The following SLCO3A1 variants were observed in gnomAD, a reference collection of about 807,000 sequenced individuals.
The protein encoded by SLCO3A1 is solute carrier organic anion transporter family member 3A1, also known as PGE1 transporter.
A neutral mutation model predicts 63.1 loss-of-function variants in SLCO3A1; 27 were observed. The ratio of observed to expected loss-of-function variants is 0.43; its 90% CI spans 0.32 to 0.59. SLCO3A1 has a LOEUF of 0.59. SLCO3A1 is among the 20% of genes least tolerant of loss of function. The pLI is 0.09. For missense variants in SLCO3A1, 773 were observed against 945.8 expected (o/e 0.82, Z 2.40); for synonymous variants, 473 against 409.9 (o/e 1.15, Z -1.86).
chr15:91,862,701 G>A lies in SLCO3A1; in HGVS notation c.180+8613G>A, dbSNP rs1597066372. Among the ~76,000 whole-genome samples, 2 of 152,106 alleles carry A rather than the reference G, an allele frequency of 1.3e-5. No individual in the cohort carries two copies. Among genetic ancestry groups the A allele is most frequent in the East Asian group, 1.9e-4 (1 of 5,194 alleles). ...GATGAGGCTTTTAACAAATAGTTCC[G>A]GAGAAAATAATAGAAGGCAAACTAA... On this transcript the variant is annotated intron_variant, in intron 1 of 9. Coordinates refer to ENST00000318445, the MANE Select transcript of SLCO3A1 (RefSeq NM_013272.4). The surrounding 1 kb of genome is among the most constrained non-coding windows in gnomAD (Gnocchi z 4.0).
At chr15:91,929,201 A>G (rs1186615236) in intron 2 of SLCO3A1, among the ~76,000 whole-genome samples, 1 of 152,186 alleles carries the variant, frequency 6.6e-6, no homozygotes, top group Admixed American at 6.5e-5. Flanking sequence ...CTGTGTTTGC[A>G]GAAGAAGGTG....
intron 2 of SLCO3A1, among the ~76,000 whole-genome samples, chr15:92,028,504 A>G (rs2046604321): frequency 6.6e-6 from 1 of 152,188 alleles, no homozygotes; most frequent in Admixed American, 6.5e-5. Flanking sequence ...CTGGGGATAC[A>G]TTTTTAATGA....
intron 2 of SLCO3A1, among the ~76,000 whole-genome samples, chr15:92,032,801 A>G (rs968718134): frequency 6.6e-6 from 1 of 152,168 alleles, no homozygotes; most frequent in East Asian, 1.9e-4. Context: ...TGGAAGCAGT[A>G]CTAAAAAGAT....
intron 2 of SLCO3A1, among the ~76,000 whole-genome samples, chr15:92,024,097 A>G (rs1377242215): frequency 1.3e-5 from 2 of 152,248 alleles, no homozygotes; most frequent in East Asian, 1.9e-4. Context: ...TCTTTTCCCT[A>G]TTGTGGATTC....
intron 9 of SLCO3A1, among the ~76,000 whole-genome samples, chr15:92,151,496 G>A (rs2048305211): frequency 6.6e-6 from 1 of 152,146 alleles, no homozygotes; most frequent in South Asian, 2.1e-4. Context: ...TGACCTTCAT[G>A]CTATAGGGCC....
In SLCO3A1 at chr15:91,948,845, C is replaced by T. The variant is rs1899898718; in HGVS notation, c.646+32387C>T. Among the ~76,000 whole-genome samples, 1 of 152,144 alleles carries T rather than the reference C, an allele frequency of 6.6e-6. No individual in the cohort carries two copies. The highest frequency in any genetic ancestry group is 2.4e-5 in the African/African-American group (1 of 41,446). On this transcript the variant is annotated intron_variant, in intron 2 of 9. Coordinates refer to ENST00000318445, the MANE Select transcript of SLCO3A1 (RefSeq NM_013272.4). This position sits in a 1 kb window ranked among gnomAD's most constrained non-coding sequence, Gnocchi z 4.8. ...GTGCCAGCCTCCTTGCCAAGTGTCTCAGAGCCTGCAGAGCACCATCCATCC... is the reference window on the plus strand; with the variant it reads ...GTGCCAGCCTCCTTGCCAAGTGTCTTAGAGCCTGCAGAGCACCATCCATCC...
intron 2 of SLCO3A1, among the ~76,000 whole-genome samples, chr15:91,999,312 A>G: frequency 6.6e-6 from 1 of 152,390 alleles, no homozygotes; most frequent in Non-Finnish European, 1.5e-5. Context: ...AAATTAAAAA[A>G]TAAAAAGACA....
At chr15:91,945,096 A>C (rs1471857917) in intron 2 of SLCO3A1, among the ~76,000 whole-genome samples, 1 of 152,212 alleles carries the variant, frequency 6.6e-6, no homozygotes, top group Non-Finnish European at 1.5e-5. Flanking sequence ...CTGTAATCCC[A>C]GCACTTTGGG....
At chr15:92,090,037 AATATAT>A (rs2047452421) in intron 2 of SLCO3A1, among the ~76,000 whole-genome samples, 1 of 152,048 alleles carries the variant, frequency 6.6e-6, no homozygotes, top group South Asian at 2.1e-4. Context: ...ATCAACAGAA[AATATAT>A]ATATATTTTA....
chr15:92,080,037 C>T (rs1032952076), intron 2 of SLCO3A1, among the ~76,000 whole-genome samples: 1 of 152,248 alleles, frequency 6.6e-6, no homozygotes, highest in Admixed American at 6.5e-5. Flanking sequence ...AGGCATGTGC[C>T]TTCACCCTGG....
At chr15:92,034,492 G>A (rs933208111) in intron 2 of SLCO3A1, among the ~76,000 whole-genome samples, 5 of 151,728 alleles carry the variant, frequency 3.3e-5, no homozygotes, top group Admixed American at 1.3e-4. Flanking sequence ...GAGGCTGGGC[G>A]AGATGGTTTG....
At chr15:92,153,216 T>G (rs1035196583) in intron 9 of SLCO3A1, among the ~76,000 whole-genome samples, 1 of 149,662 alleles carries the variant, frequency 6.7e-6, no homozygotes, top group African/African-American at 2.5e-5. Context: ...AGTACGCACA[T>G]GCCTATGCCT....
chr15:92,123,355 C>T (rs1236003345), intron 5 of SLCO3A1, among the ~76,000 whole-genome samples: 4 of 152,058 alleles, frequency 2.6e-5, no homozygotes, highest in African/African-American at 4.8e-5. Flanking sequence ...TGCAGTGAGC[C>T]GAGATCGCGC....
At chr15:91,907,552 T>A (rs966015946) in intron 1 of SLCO3A1, among the ~76,000 whole-genome samples, 4 of 150,090 alleles carry the variant, frequency 2.7e-5, no homozygotes, top group Non-Finnish European at 5.9e-5. Context: ...TGAGACAGAG[T>A]CTCACTCTGT....
At position 92,163,555 on chromosome 15, in the gene SLCO3A1, TTAAAA is replaced by T. The variant is rs1024979533; in HGVS notation, c.*421_*425del. ...AAGAAGTTTCCTAAAATAAAAAAAA[TTAAAA>T]AAAAAAAACCCACAAGTTGAAAACA... On this transcript the variant is annotated 3_prime_UTR_variant, in exon 10 of 10. Coordinates refer to ENST00000318445, the MANE Select transcript of SLCO3A1 (RefSeq NM_013272.4). 42 of 552,740 alleles carry T rather than the reference TTAAAA, an allele frequency of 7.6e-5. No individual in the cohort carries two copies. The highest frequency in any genetic ancestry group is 3.1e-4 in the African/African-American group (5 of 16,366). The allele number at this position is 552,740 out of a possible 1,614,324, so 34.2% of individuals were successfully genotyped here.
chr15:92,035,367 C>A (rs2046712411), intron 2 of SLCO3A1, among the ~76,000 whole-genome samples: 1 of 151,736 alleles, frequency 6.6e-6, no homozygotes. Context: ...GCTGAAAATC[C>A]CTGTCGTATG....
In SLCO3A1 at chr15:91,875,977, CTTA is replaced by C. The variant is rs1229153857; in HGVS notation, c.180+21890_180+21892del. 6.6e-6 allele frequency among the ~76,000 whole-genome samples: 1 copy of C among 152,148 alleles called. No homozygotes were observed. The highest frequency in any genetic ancestry group is 2.4e-5 in the African/African-American group (1 of 41,424). The stretch of plus-strand genomic sequence containing the variant: ...CCCTGCTCTAGAATCTTAAAGAATT[CTTA>C]GAGTTGTGGTCTCAGATCTCTAGAT... On this transcript the variant is annotated intron_variant, in intron 1 of 9. Coordinates refer to ENST00000318445, the MANE Select transcript of SLCO3A1 (RefSeq NM_013272.4). The surrounding 1 kb of genome is among the most constrained non-coding windows in gnomAD (Gnocchi z 4.5).
intron 2 of SLCO3A1, among the ~76,000 whole-genome samples, chr15:91,964,756 T>TA (rs1446616254): frequency 6.6e-6 from 1 of 151,812 alleles, no homozygotes; most frequent in Non-Finnish European, 1.5e-5. Flanking sequence ...TTTTTTTTTT[T>TA]AATGTACTTC....
chr15:91,977,804 A>G (rs1396177478), intron 2 of SLCO3A1, among the ~76,000 whole-genome samples: 1 of 152,240 alleles, frequency 6.6e-6, no homozygotes, highest in African/African-American at 2.4e-5. Context: ...AAGAAAAATC[A>G]GAGAAGGTCT....
Sources: allele counts gnomAD v4.1 joint callset (sites outside exome capture counted in the v4.1 genomes callset), GRCh38; gene constraint gnomAD v4.1.1; non-coding constraint Gnocchi (gnomAD v3.1); transcripts MANE v1.5; gene names NCBI Gene and HGNC (gene_info 2026-07-23, HGNC 2026-07-21).